FRS3: variants seen among roughly 807,000 people sequenced by gnomAD.
FRS3 encodes the protein FGFR substrate 3.
FRS3 carries 17 observed loss-of-function variants against 41.9 expected under a neutral mutation model. That is an observed-to-expected ratio of 0.41 (90% CI 0.28 to 0.61). The LOEUF is 0.61. Ranked by LOEUF, FRS3 falls within the 20% of genes least tolerant of loss-of-function variation. The pLI is 0.36. For synonymous variants in FRS3, 287 were observed against 274.5 expected, an observed-to-expected ratio of 1.05 and a Z score of -0.45; for missense variants, 619 against 672.1, an observed-to-expected ratio of 0.92 and a Z score of 0.87.
intron 4 of FRS3, 98 bp downstream of exon 4, chr6:41,775,321 G>T: frequency 1.1e-6 from 1 of 884,870 alleles, no homozygotes; most frequent in Non-Finnish European, 1.7e-6. Flanking sequence ...ACAGGTGATG[G>T]GGATAACACT....
intron 1 of FRS3, among the ~76,000 whole-genome samples, 154 bp downstream of exon 1, chr6:41,779,662 C>A (rs1772490018): frequency 6.6e-6 from 1 of 152,000 alleles, no homozygotes; most frequent in East Asian, 2.0e-4. Context: ...TGCGCGCTGT[C>A]CCCGGATCCC....
rs1470242819 is a variant in FRS3, at chr6:41,771,471, C to T, written c.627G>A (p.Leu209=). The change falls in exon 7 of 7, where the codon CTG becomes CTA. Residue 209 remains leucine (L), a synonymous_variant. Coordinates refer to ENST00000373018, the MANE Select transcript of FRS3 (RefSeq NM_006653.5). ...GTGCCTGACCCTCAGGCAGGGGCTG[C>T]AGGCAGTGGCGGCCCCTGCGGTGGT... ...EDDHRRGRHC[L]QPLPEGQAPF... 1.9e-6 allele frequency: 3 copies of T among 1,594,812 alleles called. No individual in the cohort carries two copies. Among genetic ancestry groups the T allele is most frequent in the Non-Finnish European group, 2.6e-6 (3 of 1,170,320 alleles).
chr6:41,772,740 C>G, intron 5 of FRS3, 58 bp downstream of exon 5: 1 of 1,393,604 alleles, frequency 7.2e-7, no homozygotes, highest in Non-Finnish European at 9.5e-7. Context: ...TTTGTGCTTC[C>G]TGGGCGTGTG....
intron 4 of FRS3, among the ~76,000 whole-genome samples, chr6:41,774,113 C>G (rs979035570): frequency 3.3e-5 from 5 of 151,978 alleles, no homozygotes; most frequent in African/African-American, 1.2e-4. Context: ...CCATGCCCAG[C>G]TAGTTTTTTG....
intron 6 of FRS3, 65 bp from the exon 7 acceptor site, chr6:41,771,598 C>A: frequency 7.4e-7 from 1 of 1,349,132 alleles, no homozygotes; most frequent in Non-Finnish European, 1.0e-6. Flanking sequence ...ACAGAAGGGA[C>A]AGGATGAGAG....
chr6:41,772,745 CGTGTGTGTGT>C (rs70987534), intron 5 of FRS3, 43 bp downstream of exon 5: 121 of 1,163,986 alleles, frequency 1.0e-4, no homozygotes, highest in African/African-American at 6.4e-4. Context: ...GCTTCCTGGG[CGTGTGTGTGT>C]GTGTGTGTGT....
At chr6:41,774,651 G>A (rs1282434615) in intron 4 of FRS3, among the ~76,000 whole-genome samples, 1 of 152,166 alleles carries the variant, frequency 6.6e-6, no homozygotes, top group East Asian at 1.9e-4. Flanking sequence ...TGCCCTTGGG[G>A]TACTGGGCCA....
chr6:41,773,028 A>G (rs992544907), intron 4 of FRS3, 69 bp from the exon 5 acceptor site: 3 of 1,318,654 alleles, frequency 2.3e-6, no homozygotes, highest in Admixed American at 1.7e-5. Flanking sequence ...CAGATGCACA[A>G]TGTGCAGGAA....
chr6:41,776,727 C>G (rs375805770), intron 3 of FRS3, 195 bp downstream of exon 3: 49 of 564,776 alleles, frequency 8.7e-5, no homozygotes, highest in African/African-American at 6.7e-4. Context: ...TATCAAGAGC[C>G]ATGAAAACAG....
intron 5 of FRS3, 98 bp from the exon 6 acceptor site, chr6:41,772,062 G>A (rs1428974619): frequency 4.0e-6 from 4 of 989,484 alleles, no homozygotes; most frequent in African/African-American, 3.3e-5. Context: ...CTCTAATGGA[G>A]GACAGATGTT....
intron 5 of FRS3, among the ~76,000 whole-genome samples, chr6:41,772,522 G>C (rs895275152): frequency 5.9e-5 from 9 of 152,264 alleles, no homozygotes; most frequent in Non-Finnish European, 1.3e-4. Flanking sequence ...ACTCCAGACT[G>C]CCAATTCTAC....
At chr6:41,774,730 T>C (rs1473206845) in intron 4 of FRS3, among the ~76,000 whole-genome samples, 3 of 152,182 alleles carry the variant, frequency 2.0e-5, no homozygotes, top group East Asian at 3.9e-4. Context: ...CCTGTGCATA[T>C]ACCCACAACT....
rs1399128541 is a variant in FRS3 at position 41,771,012 on chromosome 6, A to T, written c.1086T>A (p.Asp362Glu). ...GLTPSSNGFP[D>E]GEEDETPLQK... The stretch of plus-strand genomic sequence containing the variant: ...GCAGTGGGGTCTCGTCCTCCTCACC[A>T]TCAGGGAAGCCATTGGAAGAGGGTG... Residue 362 changes from aspartate (D) to glutamate (E), a missense_variant, in exon 7 of 7, where the codon GAT becomes GAA. Transcript: ENST00000373018. 2 of 1,612,892 alleles carry T rather than the reference A, an allele frequency of 1.2e-6. No individual in the cohort carries two copies. Among genetic ancestry groups the T allele is most frequent in the Non-Finnish European group, 1.7e-6 (2 of 1,179,834 alleles).
intron 4 of FRS3, among the ~76,000 whole-genome samples, chr6:41,774,012 C>G (rs942250149): frequency 6.6e-6 from 1 of 151,966 alleles, no homozygotes; most frequent in South Asian, 2.1e-4. Flanking sequence ...TGCAGTGGTG[C>G]GATCTCAGCT....
rs764525337 is a variant in FRS3 at position 41,771,361 on chromosome 6, G to A, written c.737C>T (p.Pro246Leu). 4.8e-5 allele frequency: 77 copies of A among 1,613,466 alleles called. 1 individual carries two copies. The Middle Eastern group carries it at 1.5e-3, about 31-fold the overall frequency. The change falls in exon 7 of 7, where the codon CCG becomes CTG. Residue 246 changes from proline (P) to leucine (L), a missense_variant. This residue lies in a region of FRS3 where 487 missense variants were observed against 478.3 expected (regional missense o/e 1.02). Coordinates refer to ENST00000373018, the MANE Select transcript of FRS3 (RefSeq NM_006653.5). ...CACCATGTGCCGCCGAGCAGGGGTCGGGCCCAACACAAACTTCACCTGGCC... is the reference window on the plus strand; with the variant it reads ...CACCATGTGCCGCCGAGCAGGGGTCAGGCCCAACACAAACTTCACCTGGCC... ...QPGQVKFVLGPTPARRHMVKC... is the reference protein window; with the variant it reads ...QPGQVKFVLGLTPARRHMVKC...
chr6:41,772,464 G>A (rs923953016), intron 5 of FRS3, among the ~76,000 whole-genome samples: 7 of 152,208 alleles, frequency 4.6e-5, no homozygotes, highest in Non-Finnish European at 8.8e-5. Context: ...CCAGCAGCAA[G>A]GAAGGTATAT....
rs1208811151 is a variant in FRS3 at position 41,770,675 on chromosome 6, G to A, written c.1423C>T (p.Arg475Ter). The change falls in exon 7 of 7, where the codon CGA becomes TGA. Residue 475 changes from arginine to a stop codon, truncating the protein, a stop_gained. Coordinates refer to ENST00000373018, the MANE Select transcript of FRS3 (RefSeq NM_006653.5). LOFTEE classifies it high-confidence loss of function. ...GTTTTCCTGGCGGTGCCATCGTCTC[G>A]GGGCAGAGCTCTCTGCAGGTTGGAC... Reference protein sequence around the residue: ...AMSNLQRALPRDDGTARKTRH... With the variant: ...AMSNLQRALP 6 of 1,613,986 alleles carry A rather than the reference G, an allele frequency of 3.7e-6. No individual in the cohort carries two copies. Among genetic ancestry groups the A allele is most frequent in the Admixed American group, 1.7e-5 (1 of 60,000 alleles).
chr6:41,771,885 C>A lies in FRS3; in HGVS notation c.495G>T (p.Ser165=). The A allele has an allele frequency of 3.2e-6, 5 of 1,554,276 alleles. No individual in the cohort carries two copies. The highest frequency in any genetic ancestry group is 3.5e-6 in the Non-Finnish European group (4 of 1,148,484). ...GCGAGGGGTGCCGCAGGCTGCTTGT[C>A]GAGAGCCGCCGGGGAGCTGAGAATC... ...GPRFSAPRRL[S]TSSLRHPSLG... is the part of the protein sequence containing the mutation. The change falls in exon 6 of 7, where the codon TCG becomes TCT. Residue 165 remains serine, a synonymous_variant. Coordinates refer to ENST00000373018, the MANE Select transcript of FRS3 (RefSeq NM_006653.5).
At chr6:41,773,445 C>T (rs990674064) in intron 4 of FRS3, among the ~76,000 whole-genome samples, 3 of 152,166 alleles carry the variant, frequency 2.0e-5, no homozygotes, top group African/African-American at 7.2e-5. Flanking sequence ...CCAAGAGCTA[C>T]TAGAAAGGCT....
Sources: allele counts gnomAD v4.1 joint callset (sites outside exome capture counted in the v4.1 genomes callset), GRCh38; gene constraint gnomAD v4.1.1; regional missense constraint gnomAD v4.1.1; transcripts MANE v1.5; gene names NCBI Gene and HGNC (gene_info 2026-07-23, HGNC 2026-07-21).